Variants in ABL1 observed in about 807,000 individuals in gnomAD.
ABL1 encodes the protein tyrosine-protein kinase ABL1.
Under a neutral mutation model 94.7 loss-of-function variants are expected in ABL1, and 11 were observed. The ratio of observed to expected loss-of-function variants is 0.12; its 90% CI spans 0.07 to 0.19. The LOEUF (loss-of-function observed/expected upper bound fraction) is 0.19, where lower values mean the gene tolerates loss of function less well. ABL1 is among the 10% of genes least tolerant of loss of function. The pLI is 1.00. For missense variants in ABL1, 1,082 were observed against 1,489.4 expected (o/e 0.73, Z 4.50); for synonymous variants, 656 against 622.4 (o/e 1.05, Z -0.80).
intron 1 of ABL1, among the ~76,000 whole-genome samples, chr9:130,724,068 C>T (rs1451864909): frequency 6.6e-6 from 1 of 152,018 alleles, no homozygotes; most frequent in Non-Finnish European, 1.5e-5. Context: ...CCTTGGCCTT[C>T]CAAAGTGCTG....
intron 1 of ABL1, among the ~76,000 whole-genome samples, chr9:130,824,629 C>T (rs1043937299): frequency 1.3e-5 from 2 of 152,114 alleles, no homozygotes; most frequent in Non-Finnish European, 2.9e-5. Context: ...ATCTTAGGCA[C>T]CAGCTCGTAG....
At chr9:130,867,677 GAGA>G (rs1376313673) in intron 4 of ABL1, among the ~76,000 whole-genome samples, 2 of 152,216 alleles carry the variant, frequency 1.3e-5, no homozygotes, top group South Asian at 2.1e-4. Context: ...GAAAGAAGCC[GAGA>G]AGAAGGGCAG....
At chr9:130,883,849 C>A in intron 10 of ABL1, 120 bp from the exon 11 acceptor site, 1 of 1,244,432 alleles carries the variant, frequency 8.0e-7, no homozygotes, top group Non-Finnish European at 1.1e-6. Context: ...GAGATGGAGT[C>A]TCACTCTGTC....
intron 1 of ABL1, among the ~76,000 whole-genome samples, chr9:130,718,089 A>G (rs1314619911): frequency 1.3e-5 from 2 of 152,026 alleles, no homozygotes; most frequent in Non-Finnish European, 2.9e-5. Flanking sequence ...AGGATGAGGC[A>G]GGCGGATCAC....
chr9:130,723,819 C>CT lies in ABL1; in HGVS notation c.136+9374dup, dbSNP rs1230509193. Among the ~76,000 whole-genome samples the CT allele has an allele frequency of 8.1e-5, 12 of 149,036 alleles. No individual in the cohort carries two copies. In the South Asian group the frequency reaches 1.5e-3, roughly 19 times the overall value. On this transcript the variant is annotated intron_variant, in intron 1 of 10. Coordinates refer to the ABL1 transcript ENST00000372348. ...TTTTTATTTTTTAACTTTTTTTTAA[C>CT]TTTTTTTTTTGAGATGGAGTCTCGC...
At chr9:130,770,277 C>T (rs971964397) in intron 1 of ABL1, among the ~76,000 whole-genome samples, 4 of 151,966 alleles carry the variant, frequency 2.6e-5, no homozygotes, top group Admixed American at 1.3e-4. Context: ...GAGGCCAAGG[C>T]GGGAGGATCA....
chr9:130,782,685 G>A (rs1001731141), intron 1 of ABL1, among the ~76,000 whole-genome samples: 4 of 152,164 alleles, frequency 2.6e-5, no homozygotes, highest in Non-Finnish European at 4.4e-5. Context: ...GCATGCCTGC[G>A]CAGAGCCCCA....
chr9:130,785,139 G>T (rs1829809315), intron 1 of ABL1, among the ~76,000 whole-genome samples: 1 of 152,232 alleles, frequency 6.6e-6, no homozygotes, highest in Admixed American at 6.5e-5. Flanking sequence ...GAGGTGTTAG[G>T]CTTTGTCAAC....
chr9:130,758,851 C>T (rs1832074284), intron 1 of ABL1, among the ~76,000 whole-genome samples: 1 of 152,204 alleles, frequency 6.6e-6, no homozygotes, highest in Admixed American at 6.5e-5. Context: ...GTTTTCGGTG[C>T]ATCTCATCGA....
At chr9:130,774,481 T>A (rs1832289147) in intron 1 of ABL1, among the ~76,000 whole-genome samples, 1 of 152,050 alleles carries the variant, frequency 6.6e-6, no homozygotes, top group Non-Finnish European at 1.5e-5. Flanking sequence ...TTGGCTACAC[T>A]TTGAGCAAAA....
At chr9:130,833,055 C>T (rs1431367100), upstream of ABL1, among the ~76,000 whole-genome samples, 2 of 150,458 alleles carry the variant, frequency 1.3e-5, no homozygotes, top group Non-Finnish European at 3.0e-5. Flanking sequence ...AGGATAAGAT[C>T]ATTTTAGACT....
At chr9:130,730,861 C>T (rs1054370245) in intron 1 of ABL1, among the ~76,000 whole-genome samples, 3 of 151,250 alleles carry the variant, frequency 2.0e-5, no homozygotes, top group Non-Finnish European at 4.4e-5. Flanking sequence ...TGTGAGCTAC[C>T]GTGCCTAGCC....
intron 1 of ABL1, among the ~76,000 whole-genome samples, chr9:130,796,920 C>CAAAAAAAAAAAAA (rs10607745): frequency 1.6e-5 from 1 of 60,770 alleles, no homozygotes; most frequent in African/African-American, 5.7e-5. Context: ...AACTTCATCT[C>CAAAAAAAAAAAAA]AAAAAAAAAA....
chr9:130,739,704 A>G (rs1490302137), intron 1 of ABL1, among the ~76,000 whole-genome samples: 1 of 152,186 alleles, frequency 6.6e-6, no homozygotes, highest in Admixed American at 6.5e-5. Flanking sequence ...TGATCCAACC[A>G]TGGTATGACT....
intron 1 of ABL1, among the ~76,000 whole-genome samples, chr9:130,791,280 C>A (rs1829906014): frequency 6.6e-6 from 1 of 152,094 alleles, no homozygotes; most frequent in African/African-American, 2.4e-5. Flanking sequence ...AACTGTTGAT[C>A]TAGAATTGTG....
chr9:130,885,239 C>T lies in ABL1; in HGVS notation c.2949C>T (p.Ser983=). ...GTPISPAPVP[S]TLPSASSALA... ...CCATCAGCCCAGCCCCCGTTCCCTCCACGTTGCCATCAGCATCCTCGGCCC... is the reference window on the plus strand; with the variant it reads ...CCATCAGCCCAGCCCCCGTTCCCTCTACGTTGCCATCAGCATCCTCGGCCC... The change falls in exon 11 of 11, where the codon TCC becomes TCT. Residue 983 remains serine, a synonymous_variant. Transcript: ENST00000318560. 1 of 1,613,802 alleles carries T rather than the reference C, an allele frequency of 6.2e-7. No homozygotes were observed. The highest frequency in any genetic ancestry group is 8.5e-7 in the Non-Finnish European group (1 of 1,179,938).
intron 1 of ABL1, among the ~76,000 whole-genome samples, chr9:130,808,161 T>G (rs1830153507): frequency 6.6e-6 from 1 of 151,898 alleles, no homozygotes; most frequent in South Asian, 2.1e-4. Context: ...TTTTTTTAAA[T>G]CAAATAAGCA....
chr9:130,813,579 A>G (rs12353124), intron 1 of ABL1, among the ~76,000 whole-genome samples: 2,232 of 151,270 alleles, frequency 0.015, 63 homozygotes, highest in African/African-American at 0.051. Flanking sequence ...AAAAAAAAAA[A>G]AAAAAAGAAA....
intron 3 of ABL1, among the ~76,000 whole-genome samples, chr9:130,857,497 G>A (rs1038736839): frequency 6.6e-6 from 1 of 152,116 alleles, no homozygotes; most frequent in Admixed American, 6.6e-5. Flanking sequence ...AAGTGTATAT[G>A]TGTATCTAGG....
Sources: allele counts gnomAD v4.1 joint callset (sites outside exome capture counted in the v4.1 genomes callset), GRCh38; gene constraint gnomAD v4.1.1; transcripts MANE v1.5; gene names NCBI Gene and HGNC (gene_info 2026-07-23, HGNC 2026-07-21).